The following RTN4 variants were observed in gnomAD, a reference collection of about 807,000 sequenced individuals.
The protein encoded by RTN4 is reticulon-4.
RTN4 carries 32 observed loss-of-function variants against 90.4 expected under a neutral mutation model. The observed-to-expected ratio is 0.35, with a 90% CI of 0.27 to 0.48. The LOEUF is 0.48. RTN4 is among the 20% of genes least tolerant of loss of function. The pLI is 0.99. For missense variants in RTN4, 1,706 were observed against 1,430.2 expected, an observed-to-expected ratio of 1.19 and a Z score of -3.11; for synonymous variants, 629 against 552.5, an observed-to-expected ratio of 1.14 and a Z score of -1.94.
chr2:55,009,183 T>A (rs1439696894), intron 3 of RTN4, among the ~76,000 whole-genome samples: 7 of 152,158 alleles, frequency 4.6e-5, no homozygotes, highest in African/African-American at 9.7e-5. Context: ...TAATTTTTTT[T>A]AATTATAAAA....
At chr2:55,049,564 TC>T in intron 1 of RTN4, 180 bp downstream of exon 1, 1 of 1,003,824 alleles carries the variant, frequency 1.0e-6, no homozygotes, top group Admixed American at 2.1e-5. Context: ...AAACCCGGGC[TC>T]CAAGGGCCGC....
chr2:55,132,463 A>G, the RTN4 span, among the ~76,000 whole-genome samples: 1 of 151,510 alleles, frequency 6.6e-6, no homozygotes, highest in South Asian at 2.1e-4. Flanking sequence ...AGATGGTGCC[A>G]CTGCACTCCA....
At chr2:55,017,545 A>C (rs956382112) in intron 3 of RTN4, among the ~76,000 whole-genome samples, 20 of 152,200 alleles carry the variant, frequency 1.3e-4, no homozygotes, top group African/African-American at 4.6e-4. Flanking sequence ...GTTCAGCAAG[A>C]CACAATCTAT....
chr2:55,076,389 CTTTTTTTTTT>C (rs58070912), intron 2 of RTN4, among the ~76,000 whole-genome samples: 1 of 64,628 alleles, frequency 1.5e-5, no homozygotes, highest in East Asian at 5.3e-4. Context: ...TTCTTTTGTT[CTTTTTTTTTT>C]TTTTTTTTTT....
chr2:55,028,759 C>A (rs529981292), intron 1 of RTN4, among the ~76,000 whole-genome samples: 1 of 150,694 alleles, frequency 6.6e-6, no homozygotes, highest in East Asian at 2.0e-4. Flanking sequence ...AGTCCTGTGC[C>A]AATGTCCAAA....
chr2:55,089,459 G>T (rs764741094), intron 1 of RTN4, among the ~76,000 whole-genome samples: 3 of 152,172 alleles, frequency 2.0e-5, no homozygotes, highest in African/African-American at 7.2e-5. Flanking sequence ...TACTTCTACA[G>T]TTCTTTCTAG....
the RTN4 span, among the ~76,000 whole-genome samples, chr2:55,119,378 T>A: frequency 2.6e-5 from 4 of 152,176 alleles, no homozygotes; most frequent in Admixed American, 1.3e-4. Flanking sequence ...TTTCTTAAAG[T>A]GGCAGGGAAG....
chr2:55,092,053 G>A (rs1003943130), intron 1 of RTN4, among the ~76,000 whole-genome samples: 3 of 151,952 alleles, frequency 2.0e-5, no homozygotes, highest in Admixed American at 1.3e-4. Context: ...TGCCAGGCTT[G>A]GTGGCACATG....
chr2:55,042,155 A>T (rs997705417), intron 1 of RTN4, among the ~76,000 whole-genome samples: 1 of 152,162 alleles, frequency 6.6e-6, no homozygotes, highest in Non-Finnish European at 1.5e-5. Context: ...TGGTAAAGAT[A>T]TAAGGGAAAA....
At chr2:54,981,788 G>T (rs974037573) in intron 5 of RTN4, among the ~76,000 whole-genome samples, 1 of 79,750 alleles carries the variant, frequency 1.3e-5, no homozygotes, top group Non-Finnish European at 2.6e-5. Context: ...ATAAGAAAGA[G>T]TCCAAGATAT....
intron 2 of RTN4, among the ~76,000 whole-genome samples, chr2:55,061,528 GGTT>G (rs1040053830): frequency 2.0e-5 from 3 of 152,084 alleles, no homozygotes; most frequent in African/African-American, 4.8e-5. Context: ...CATCACATCT[GGTT>G]GTTATGTCCC....
At chr2:55,081,473 C>G (rs1447016713) in intron 1 of RTN4, among the ~76,000 whole-genome samples, 2 of 152,036 alleles carry the variant, frequency 1.3e-5, no homozygotes, top group African/African-American at 4.8e-5. Flanking sequence ...TTATTCATAC[C>G]TAAATATATA....
chr2:55,028,132 G>A, intron 2 of RTN4, 32 bp downstream of exon 2: 1 of 1,594,972 alleles, frequency 6.3e-7, no homozygotes, highest in Non-Finnish European at 8.6e-7. Context: ...TTAGAATACA[G>A]AGAGGATAAA....
At chr2:55,051,195 C>A (rs2104989659), upstream of RTN4, among the ~76,000 whole-genome samples, 1 of 152,290 alleles carries the variant, frequency 6.6e-6, no homozygotes, top group East Asian at 1.9e-4. Flanking sequence ...TGGGGCCGAC[C>A]ATTTGAAAGT....
At chr2:55,114,711 C>G (rs889279915), upstream of RTN4, among the ~76,000 whole-genome samples, 1 of 152,034 alleles carries the variant, frequency 6.6e-6, no homozygotes, top group African/African-American at 2.4e-5. Flanking sequence ...AATAAATAAA[C>G]AAGTAAATAA....
chr2:55,067,870 A>C (rs374213161), intron 2 of RTN4, among the ~76,000 whole-genome samples: 1 of 152,268 alleles, frequency 6.6e-6, no homozygotes, highest in African/African-American at 2.4e-5. Flanking sequence ...TAACATTAAT[A>C]AACCCACTGC....
At chr2:55,038,705 T>C (rs1164323188) in intron 1 of RTN4, among the ~76,000 whole-genome samples, 1 of 152,196 alleles carries the variant, frequency 6.6e-6, no homozygotes, top group African/African-American at 2.4e-5. Flanking sequence ...AGCAACTTCT[T>C]ATAAAGTTAA....
chr2:55,051,106 T>G (rs1237423925), upstream of RTN4, among the ~76,000 whole-genome samples: 1 of 152,204 alleles, frequency 6.6e-6, no homozygotes, highest in Non-Finnish European at 1.5e-5. Flanking sequence ...AATTGTTTTT[T>G]GACAGTTAGG....
chr2:55,136,004 C>A, the RTN4 span, among the ~76,000 whole-genome samples: 1 of 152,148 alleles, frequency 6.6e-6, no homozygotes. Context: ...GGGCCCCCAC[C>A]TCCAGGCATG....
Sources: gnomAD v4.1 joint callset for allele counts (sites outside exome capture counted in the v4.1 genomes callset) on GRCh38, gnomAD v4.1.1 for gene constraint, MANE v1.5 for transcripts, NCBI Gene and HGNC (gene_info 2026-07-23, HGNC 2026-07-21) for gene names.